DNAAF3: variants seen among roughly 807,000 people sequenced by gnomAD.
The protein encoded by DNAAF3 is UPF0470 protein C19orf51.
In DNAAF3, 40 loss-of-function variants were observed where a neutral mutation model predicts 50.9. The observed-to-expected ratio is 0.79, with a 90% CI of 0.61 to 1.02. The LOEUF (loss-of-function observed/expected upper bound fraction) is 1.02. Among genes scored for constraint, DNAAF3 ranks in the 50% least tolerant of loss-of-function variants. The probability of loss-of-function intolerance (pLI) is 0.00; values close to 1 mark genes in which losing one functional copy is unlikely to be tolerated. For missense variants in DNAAF3, 763 were observed against 744.7 expected (o/e 1.02, Z -0.29); for synonymous variants, 327 against 322.8 (o/e 1.01, Z -0.14).
At position 55,161,381 on chromosome 19, in the gene DNAAF3, C is replaced by T. The variant is rs770641126; in HGVS notation, c.701G>A (p.Arg234Gln). 6.2e-7 allele frequency: 1 copy of T among 1,603,372 alleles called. No homozygotes were observed. The highest frequency in any genetic ancestry group is 2.3e-5 in the East Asian group (1 of 44,300). The change falls in exon 7 of 12, where the codon CGG becomes CAG. Residue 234 changes from arginine (R) to glutamine (Q), a missense_variant. Arg to Gln is a conservative substitution (Grantham distance 43). Transcript: ENST00000524407. The surrounding 1 kb of genome is among the most constrained non-coding windows in gnomAD (Gnocchi z 6.4). ...VIHPQEFRRWRDTGVAFELRD... is the reference protein window; with the variant it reads ...VIHPQEFRRWQDTGVAFELRD... ...GAGTTCAAAGGCGACGCCTGTGTCC[C>T]GCCAGCGTCGGAACTCCTGGGGGTG...
chr19:55,162,349 C>G lies in DNAAF3; in HGVS notation c.323-59G>C. The G allele has an allele frequency of 3.2e-6, 4 of 1,242,586 alleles. No homozygotes were observed. In the South Asian group the frequency reaches 1.6e-4, roughly 51 times the overall value. 77.0% of individuals were successfully genotyped at this position (1,242,586 alleles called of 1,614,324 possible). Reference sequence around the variant, plus strand: ...TGGAGGAGGGAGCCCAGAAATTACACCCTTAATATGTTATTATGTCATAGT... The same window carrying G: ...TGGAGGAGGGAGCCCAGAAATTACAGCCTTAATATGTTATTATGTCATAGT... On this transcript the variant is annotated intron_variant, in intron 4 of 11. Transcript: ENST00000524407.
In DNAAF3 at chr19:55,162,304, G is replaced by T; in HGVS notation, c.323-14C>A. ...TCTCGCTTCGCTCTACGGAGAGAGG[G>T]AGATAATTGCGGGAATGTGTGGAGG... On this transcript the variant is annotated splice_polypyrimidine_tract_variant and intron_variant, in intron 4 of 11. Transcript: ENST00000524407. 2 of 1,249,998 alleles carry T rather than the reference G, an allele frequency of 1.6e-6. No individual in the cohort carries two copies. The highest frequency in any genetic ancestry group is 6.3e-5 in the East Asian group (2 of 31,712). The allele number at this position is 1,249,998 out of a possible 1,614,324, so 77.4% of individuals were successfully genotyped here. A position where few individuals can be genotyped will look rare whatever the true frequency, so the allele number is the denominator to read the frequency against.
In DNAAF3 at chr19:55,159,020, C is replaced by A; in HGVS notation, c.*42G>T. 6.5e-7 allele frequency: 1 copy of A among 1,530,256 alleles called. No homozygotes were observed. The highest frequency in any genetic ancestry group is 1.3e-5 in the South Asian group (1 of 77,526). The allele number at this position is 1,530,256 out of a possible 1,614,324, so 94.8% of individuals were successfully genotyped here. ...TATCAGCGGGTTCTCATCCTACAACCTGACTTTGGAAGTTGGAGATAAGGG... is the reference window on the plus strand; with the variant it reads ...TATCAGCGGGTTCTCATCCTACAACATGACTTTGGAAGTTGGAGATAAGGG... On this transcript the variant is annotated 3_prime_UTR_variant, in exon 12 of 12. Transcript: ENST00000524407.
In DNAAF3 at chr19:55,165,854, T is replaced by C. The variant is rs2085929392; in HGVS notation, c.228+4A>G. 1 of 1,613,648 alleles carries C rather than the reference T, an allele frequency of 6.2e-7. No individual in the cohort carries two copies. Among genetic ancestry groups the C allele is most frequent in the African/African-American group, 1.3e-5 (1 of 74,904 alleles). On this transcript the variant is annotated splice_donor_region_variant and intron_variant, in intron 3 of 11. Coordinates refer to ENST00000524407, the MANE Select transcript of DNAAF3 (RefSeq NM_001256715.2). ...TCTGGGCTCTCATCTTCATCCCAGC[T>C]CACGTTGAACCTCCTGCGAGGCCAG...
chr19:55,162,103 C>G (rs1346037655), intron 5 of DNAAF3, 30 bp downstream of exon 5: 5 of 1,241,592 alleles, frequency 4.0e-6, no homozygotes, highest in Non-Finnish European at 5.1e-6. Context: ...CGCGGCCACC[C>G]GATCCCAGAT....
chr19:55,162,502 G>C (rs1040330765), intron 4 of DNAAF3: 7 of 800,454 alleles, frequency 8.7e-6, no homozygotes, highest in African/African-American at 1.8e-5. Context: ...CAGGAGAATC[G>C]CTTGAACCCG....
At position 55,161,645 on chromosome 19, in the gene DNAAF3, C is replaced by T. The variant is rs1302666486; in HGVS notation, c.661G>A (p.Gly221Arg). The T allele has an allele frequency of 8.5e-6, 13 of 1,535,684 alleles. No individual in the cohort carries two copies. Among genetic ancestry groups the T allele is most frequent in the Non-Finnish European group, 1.0e-5 (12 of 1,145,332 alleles). The change falls in exon 6 of 12, where the codon GGG becomes AGG. Residue 221 changes from glycine to arginine, a missense_variant and splice_region_variant. Physicochemically the swap from Gly to Arg is moderately radical, Grantham distance 125. Coordinates refer to ENST00000524407, the MANE Select transcript of DNAAF3 (RefSeq NM_001256715.2). The surrounding 1 kb of genome is among the most constrained non-coding windows in gnomAD (Gnocchi z 6.4). ...WDLRMKLHDR[G>R]AQVIHPQEFR... ...AGCCCCTCTCCTGGGCCCCTCACCC[C>T]GCGGTCATGCAGCTTCATGCGCAGG...
rs564262255 is a variant in DNAAF3 at position 55,159,830 on chromosome 19, G to A, written c.1163+69C>T. On this transcript the variant is annotated intron_variant, in intron 10 of 11. Transcript: ENST00000524407. ...GGAGGGGCTGGGGGCCTGGACTCCT[G>A]GGTCTGAGGGAGGAGGGGCTGGGGG... is the stretch of plus-strand genomic sequence containing the variant. The A allele has an allele frequency of 6.5e-4, 1,016 of 1,565,554 alleles. 6 individuals carry two copies. The highest frequency in any genetic ancestry group is 8.2e-4 in the Non-Finnish European group (941 of 1,144,650).
rs767660366 is a variant in DNAAF3, at chr19:55,166,423, GA to G, written c.-4-7del. The G allele has an allele frequency of 2.5e-6, 4 of 1,613,842 alleles. No homozygotes were observed. In the African/African-American group the frequency reaches 5.3e-5, roughly 22 times the overall value. ...CGGCAGGTGTGGTCATCACCCTGCG[GA>G]AAAGACATTCTGGGAATCGCACACA... On this transcript the variant is annotated splice_region_variant and splice_polypyrimidine_tract_variant and intron_variant, in intron 1 of 11. Transcript: ENST00000524407. This position sits in a 1 kb window ranked among gnomAD's most constrained non-coding sequence, Gnocchi z 4.0.
chr19:55,162,091 C>G, intron 5 of DNAAF3, 42 bp downstream of exon 5: 3 of 1,239,876 alleles, frequency 2.4e-6, no homozygotes, highest in Non-Finnish European at 2.0e-6. Flanking sequence ...TTCCATTATT[C>G]CCGCGGCCAC....
At position 55,161,898 on chromosome 19, in the gene DNAAF3, C is replaced by T; in HGVS notation, c.481-73G>A. ...CAGGGAGAGCGGATTCTAATTGACC[C>T]TCTCTTCCATCCCAGAACAGGGGAA... On this transcript the variant is annotated intron_variant, in intron 5 of 11. Transcript: ENST00000524407. This position sits in a 1 kb window ranked among gnomAD's most constrained non-coding sequence, Gnocchi z 6.4. The T allele has an allele frequency of 1.5e-6, 2 of 1,368,178 alleles. No homozygotes were observed. The highest frequency in any genetic ancestry group is 1.6e-5 in the South Asian group (1 of 61,798). The allele number at this position is 1,368,178 out of a possible 1,614,324, so 84.8% of individuals were successfully genotyped here.
Position 55,162,997 on chromosome 19 carries a change from C to CTTTTTTTTTTTTTTTTTT in DNAAF3, c.323-725_323-708dup, listed in dbSNP as rs576178532. 1.5e-3 allele frequency among the ~76,000 whole-genome samples: 142 copies of CTTTTTTTTTTTTTTTTTT among 92,168 alleles called. 2 individuals are homozygous for CTTTTTTTTTTTTTTTTTT. The highest frequency in any genetic ancestry group is 2.1e-3 in the Non-Finnish European group (100 of 46,868). 60.5% of individuals were successfully genotyped at this position (92,168 alleles called of 152,430 possible). On this transcript the variant is annotated intron_variant, in intron 4 of 11. Transcript: ENST00000524407. The stretch of plus-strand genomic sequence containing the variant: ...TTTTATTTCTTTTTCTTTTCTTTTT[C>CTTTTTTTTTTTTTTTTTT]TTTTTTTTTTTTTTTTTTTTTTTTT...
Position 55,160,698 on chromosome 19 carries a change from G to C in DNAAF3, c.990C>G (p.Thr330=), listed in dbSNP as rs371092262. The C allele has an allele frequency of 5.6e-6, 9 of 1,613,402 alleles. 1 individual carries two copies. The South Asian group carries it at 8.8e-5, about 16-fold the overall frequency. ...DVAAWGRARA[T]GGDLEEQQHA... ...GCTGCTGCTCCTCCAGGTCCCCCCC[G>C]GTGGCTCTCGCGCGCCCCCAGGCGG... The change falls in exon 9 of 12, where the codon ACC becomes ACG. Residue 330 remains threonine, a synonymous_variant. Coordinates refer to ENST00000524407, the MANE Select transcript of DNAAF3 (RefSeq NM_001256715.2). The surrounding 1 kb of genome is among the most constrained non-coding windows in gnomAD (Gnocchi z 4.7).
intron 4 of DNAAF3, among the ~76,000 whole-genome samples, chr19:55,164,529 TTC>T (rs757215903): frequency 1.6e-3 from 164 of 104,192 alleles, no homozygotes; most frequent in South Asian, 5.9e-3. Context: ...TTTTCTTTCT[TTC>T]TTTTTTTTTT....
At position 55,165,964 on chromosome 19, in the gene DNAAF3, A is replaced by G; in HGVS notation, c.122T>C (p.Val41Ala). Residue 41 changes from valine (V) to alanine (A), a missense_variant, in exon 3 of 12, where the codon GTG becomes GCG. Coordinates refer to ENST00000524407, the MANE Select transcript of DNAAF3 (RefSeq NM_001256715.2). ...PVDPDSQADTVHSNPELDVLL... is the reference protein window; with the variant it reads ...PVDPDSQADTAHSNPELDVLL... The stretch of plus-strand genomic sequence containing the variant: ...CACATCTAGCTCGGGGTTGCTGTGC[A>G]CTGTATCGGCCTGGGAGTCTGGGTC... 6.2e-7 allele frequency: 1 copy of G among 1,614,162 alleles called. No homozygotes were observed. The highest frequency in any genetic ancestry group is 8.5e-7 in the Non-Finnish European group (1 of 1,180,024).
At position 55,161,463 on chromosome 19, in the gene DNAAF3, G is replaced by A. The variant is rs780243644; in HGVS notation, c.664-45C>T. On this transcript the variant is annotated intron_variant, in intron 6 of 11. Transcript: ENST00000524407. The surrounding 1 kb of genome is among the most constrained non-coding windows in gnomAD (Gnocchi z 6.4). ...GAAGGGAGCCCTCAGTGAACCGAGC[G>A]TGGAGAGACCCCTACACCAGCCTCC... 4.5e-6 allele frequency: 7 copies of A among 1,566,480 alleles called. No individual in the cohort carries two copies. In the African/African-American group the frequency reaches 5.5e-5, roughly 12 times the overall value.
chr19:55,161,068 G>A lies in DNAAF3; in HGVS notation c.909C>T (p.Val303=). 6.5e-7 allele frequency: 1 copy of A among 1,540,554 alleles called. No individual in the cohort carries two copies. ...SLLRTSNGQP[V]KTAGEITQHN... ...CAGTCCCAGCCTCGCCGCGCACCTTGACTGGCTGGCCGTTGCTCGTCCGCA... is the reference window on the plus strand; with the variant it reads ...CAGTCCCAGCCTCGCCGCGCACCTTAACTGGCTGGCCGTTGCTCGTCCGCA... Residue 303 remains valine (V), a synonymous_variant, in exon 8 of 12, where the codon GTC becomes GTT. Coordinates refer to ENST00000524407, the MANE Select transcript of DNAAF3 (RefSeq NM_001256715.2). The surrounding 1 kb of genome is among the most constrained non-coding windows in gnomAD (Gnocchi z 6.4).
At chr19:55,162,632 C>T (rs2085858389) in intron 4 of DNAAF3, 1 of 1,001,838 alleles carries the variant, frequency 1.0e-6, no homozygotes, top group Non-Finnish European at 1.2e-6. Flanking sequence ...ATTAGAGTTG[C>T]AGATTCCACA....
rs1196493752 is a variant in DNAAF3, at chr19:55,158,902, A to G, written c.*160T>C. The G allele has an allele frequency of 5.5e-6, 4 of 722,090 alleles. No individual in the cohort carries two copies. The highest frequency in any genetic ancestry group is 8.6e-6 in the Non-Finnish European group (4 of 462,432). The allele number at this position is 722,090 out of a possible 1,614,324, so 44.7% of individuals were successfully genotyped here. Reference sequence around the variant, plus strand: ...CATAGAATCTCAGAAATGGAATTTGAAAGTCTACCAACACTCCCGGGGTGG... The same window carrying G: ...CATAGAATCTCAGAAATGGAATTTGGAAGTCTACCAACACTCCCGGGGTGG... On this transcript the variant is annotated 3_prime_UTR_variant, in exon 12 of 12. Transcript: ENST00000524407.
Sources: allele counts gnomAD v4.1 joint callset (sites outside exome capture counted in the v4.1 genomes callset), GRCh38; gene constraint gnomAD v4.1.1; non-coding constraint Gnocchi (gnomAD v3.1); transcripts MANE v1.5; gene names NCBI Gene and HGNC (gene_info 2026-07-23, HGNC 2026-07-21).